The following ANOS1 variants were observed in gnomAD, a reference collection of about 807,000 sequenced individuals.
ANOS1 encodes the protein anosmin 1, also known as anosmin-1.
Under a neutral mutation model 59.0 loss-of-function variants are expected in ANOS1, and 6 were observed. That is an observed-to-expected ratio of 0.10 (90% CI 0.06 to 0.20). ANOS1 has a LOEUF of 0.20. Among genes scored for constraint, ANOS1 ranks in the 10% least tolerant of loss-of-function variants. ANOS1 has a pLI of 1.00. For synonymous variants in ANOS1, 217 were observed against 223.4 expected, an observed-to-expected ratio of 0.97 and a Z score of 0.25; for missense variants, 433 against 542.3, an observed-to-expected ratio of 0.80 and a Z score of 2.00.
intron 2 of ANOS1, among the ~76,000 whole-genome samples, chrX:8,667,767 G>C (rs1932173565): frequency 2.7e-5 from 3 of 111,176 alleles, no homozygotes; most frequent in South Asian, 7.7e-4. Flanking sequence ...TACCAGAAAG[G>C]AGTAGTGTGT....
chrX:8,545,051 A>G (rs1397736976), intron 9 of ANOS1, among the ~76,000 whole-genome samples: 2 of 90,149 alleles, frequency 2.2e-5, no homozygotes, highest in Non-Finnish European at 4.4e-5. Flanking sequence ...GGGCAACAAG[A>G]GAGAAACTCC....
intron 2 of ANOS1, among the ~76,000 whole-genome samples, chrX:8,657,319 T>A (rs1931948436): frequency 8.9e-6 from 1 of 112,111 alleles, no homozygotes; most frequent in Non-Finnish European, 1.9e-5. Flanking sequence ...ATCCCTGTAA[T>A]AGACGTGAGC....
chrX:8,717,609 A>G (rs777997266), intron 1 of ANOS1, among the ~76,000 whole-genome samples: 4 of 111,999 alleles, frequency 3.6e-5, no homozygotes, highest in Middle Eastern at 4.6e-3. Context: ...TACTGCTTTC[A>G]AAATGGTACA....
chrX:8,620,375 T>C (rs1455943092), intron 3 of ANOS1, among the ~76,000 whole-genome samples: 2 of 111,954 alleles, frequency 1.8e-5, no homozygotes, highest in Non-Finnish European at 3.8e-5. Flanking sequence ...CAGGTAAACA[T>C]ACCGGGCCGA....
chrX:8,665,402 C>T (rs1171648267), intron 2 of ANOS1, among the ~76,000 whole-genome samples: 4 of 112,529 alleles, frequency 3.6e-5, no homozygotes, highest in Non-Finnish European at 7.5e-5. Flanking sequence ...CACTCCCTAA[C>T]TCAATCACTA....
intron 2 of ANOS1, among the ~76,000 whole-genome samples, chrX:8,671,825 A>C (rs1339605880): frequency 9.0e-6 from 1 of 110,754 alleles, no homozygotes; most frequent in Non-Finnish European, 1.9e-5. Flanking sequence ...ACTATATATA[A>C]TTATTGTGCA....
intron 1 of ANOS1, among the ~76,000 whole-genome samples, chrX:8,720,532 G>A (rs1018939677): frequency 2.5e-4 from 28 of 111,940 alleles, no homozygotes; most frequent in African/African-American, 7.5e-4. Flanking sequence ...GACGATTCAT[G>A]GTTTTAATAG....
chrX:8,532,730 T>C lies in ANOS1; in HGVS notation c.*265A>G. 3 of 302,301 alleles carry C rather than the reference T, an allele frequency of 9.9e-6. No individual in the cohort carries two copies. The highest frequency in any genetic ancestry group is 1.6e-4 in the South Asian group (2 of 12,512). 24.9% of individuals were successfully genotyped at this position (302,301 alleles called of 1,213,427 possible). A position where few individuals can be genotyped will look rare whatever the true frequency, so the allele number is the denominator to read the frequency against. On this transcript the variant is annotated 3_prime_UTR_variant, in exon 14 of 14. Coordinates refer to ENST00000262648, the MANE Select transcript of ANOS1 (RefSeq NM_000216.4). The stretch of plus-strand genomic sequence containing the variant: ...CAATAGAAATGAGCGACACCATACA[T>C]GAAAACAAAATTTAGCATTAAACAG...
chrX:8,631,120 T>A (rs908566171), intron 2 of ANOS1, among the ~76,000 whole-genome samples: 1 of 111,980 alleles, frequency 8.9e-6, no homozygotes, highest in South Asian at 3.8e-4. Context: ...CGGAACTGAG[T>A]GCTTAACACA....
intron 2 of ANOS1, among the ~76,000 whole-genome samples, chrX:8,642,806 T>G (rs12007390): frequency 0.02 from 2,239 of 111,516 alleles, 62 homozygotes; most frequent in African/African-American, 0.069. Flanking sequence ...AGGTTTGAAG[T>G]TGCAGCCAGA....
At chrX:8,675,410 C>T (rs971201529) in intron 2 of ANOS1, among the ~76,000 whole-genome samples, 134 of 111,453 alleles carry the variant, frequency 1.2e-3, no homozygotes, top group African/African-American at 4.3e-3. Flanking sequence ...GCATGGAAAC[C>T]ATTTCATCAG....
chrX:8,670,631 G>A (rs932107006), intron 2 of ANOS1, among the ~76,000 whole-genome samples: 1 of 111,441 alleles, frequency 9.0e-6, no homozygotes. Context: ...TTCCTAGATG[G>A]CCATAAATAC....
chrX:8,703,372 C>A (rs189190647), intron 1 of ANOS1, among the ~76,000 whole-genome samples: 6 of 112,112 alleles, frequency 5.4e-5, no homozygotes, highest in South Asian at 7.4e-4. Context: ...ATATCACTAA[C>A]GCGGCAATAC....
chrX:8,664,129 CAT>C (rs770508436), intron 2 of ANOS1, among the ~76,000 whole-genome samples: 2 of 112,089 alleles, frequency 1.8e-5, no homozygotes, highest in South Asian at 3.8e-4. Flanking sequence ...CATCATGGCA[CAT>C]GTTTACCTAC....
chrX:8,689,583 C>CTGTA (rs1371388618), intron 2 of ANOS1, among the ~76,000 whole-genome samples: 1 of 109,133 alleles, frequency 9.2e-6, no homozygotes, highest in Non-Finnish European at 1.9e-5. Context: ...TGGCACATGC[C>CTGTA]TGTAGTCCCA....
chrX:8,712,356 C>T lies in ANOS1; in HGVS notation c.208-12611G>A, dbSNP rs901277026. Among the ~76,000 whole-genome samples the T allele has an allele frequency of 1.7e-4, 19 of 112,033 alleles. No homozygotes were observed. The South Asian group carries it at 3.4e-3, about 20-fold the overall frequency. On this transcript the variant is annotated intron_variant, in intron 1 of 13. Coordinates refer to ENST00000262648, the MANE Select transcript of ANOS1 (RefSeq NM_000216.4). The stretch of plus-strand genomic sequence containing the variant: ...TCATCTCAATTAATCACATCTCTAA[C>T]GACGTTATTTCCAAATAAGGCCACT...
chrX:8,603,167 G>A (rs1354127280), intron 3 of ANOS1, among the ~76,000 whole-genome samples: 1 of 112,246 alleles, frequency 8.9e-6, no homozygotes, highest in African/African-American at 3.2e-5. Context: ...AGTCTGCAAA[G>A]ATTATGTATT....
chrX:8,664,351 C>T (rs111406850), intron 2 of ANOS1, among the ~76,000 whole-genome samples: 21,778 of 109,644 alleles, frequency 0.2, 4,114 homozygotes, highest in African/African-American at 0.6. Flanking sequence ...CCACCACGCC[C>T]GGCTAATTTT....
intron 6 of ANOS1, among the ~76,000 whole-genome samples, chrX:8,573,328 G>A (rs965039905): frequency 6.3e-5 from 7 of 111,127 alleles, no homozygotes; most frequent in African/African-American, 2.3e-4. Context: ...CTCCCAAAGT[G>A]CTGGGATTAC....
Sources: gnomAD v4.1 joint callset for allele counts (sites outside exome capture counted in the v4.1 genomes callset) on GRCh38, gnomAD v4.1.1 for gene constraint, MANE v1.5 for transcripts, NCBI Gene and HGNC (gene_info 2026-07-23, HGNC 2026-07-21) for gene names.